The following BTBD9 variants were observed in gnomAD, a reference collection of about 807,000 sequenced individuals.
BTBD9 encodes the protein BTB/POZ domain-containing protein 9.
In BTBD9, 49 loss-of-function variants were observed where a neutral mutation model predicts 64.3. The observed-to-expected ratio is 0.76, with a 90% confidence interval of 0.61 to 0.97. The LOEUF is 0.97. Among genes scored for constraint, BTBD9 ranks in the 50% least tolerant of loss-of-function variants. BTBD9 has a pLI of 0.00. For synonymous variants in BTBD9, 260 were observed against 274.7 expected, an observed-to-expected ratio of 0.95 and a Z score of 0.53; for missense variants, 598 against 762.1, an observed-to-expected ratio of 0.78 and a Z score of 2.53.
chr6:38,537,926 C>T lies in BTBD9; in HGVS notation c.1154+39674G>A, dbSNP rs1774093465. Among the ~76,000 whole-genome samples, 5 of 152,290 alleles carry T rather than the reference C, an allele frequency of 3.3e-5. No individual in the cohort carries two copies. In the South Asian group the frequency reaches 1.0e-3, roughly 32 times the overall value. On this transcript the variant is annotated intron_variant, in intron 6 of 10. Transcript: ENST00000481247. ...AGTCCACCAAAGGAACCATGTAAAT[C>T]ACCCCTGAAGGATGGCAGAGCCCCC... is the stretch of plus-strand genomic sequence containing the variant.
intron 6 of BTBD9, among the ~76,000 whole-genome samples, chr6:38,453,397 A>G (rs975211719): frequency 3.9e-5 from 6 of 152,196 alleles, no homozygotes; most frequent in African/African-American, 1.4e-4. Flanking sequence ...AATTCAAATG[A>G]AACTCCGTTC....
intron 8 of BTBD9, among the ~76,000 whole-genome samples, chr6:38,263,650 A>G (rs1764867436): frequency 1.3e-5 from 2 of 152,226 alleles, no homozygotes; most frequent in African/African-American, 4.8e-5. Context: ...ATACAGAAGC[A>G]AAGAAAGATA....
At chr6:38,261,365 T>G (rs1243436707) in intron 8 of BTBD9, among the ~76,000 whole-genome samples, 1 of 152,182 alleles carries the variant, frequency 6.6e-6, no homozygotes, top group African/African-American at 2.4e-5. Context: ...GCTGTATACT[T>G]CTATTCCCCC....
intron 7 of BTBD9, among the ~76,000 whole-genome samples, chr6:38,299,879 A>G (rs1286751127): frequency 6.6e-6 from 1 of 152,126 alleles, no homozygotes; most frequent in African/African-American, 2.4e-5. Context: ...CCATTTGTCA[A>G]TTTTGGCTTT....
chr6:38,512,220 G>A (rs537546387), intron 6 of BTBD9, among the ~76,000 whole-genome samples: 3 of 152,026 alleles, frequency 2.0e-5, no homozygotes, highest in East Asian at 3.9e-4. Context: ...TGATCTGCCC[G>A]CCTCGGCCTC....
chr6:38,220,537 A>C (rs911532347), intron 9 of BTBD9, among the ~76,000 whole-genome samples: 17 of 152,252 alleles, frequency 1.1e-4, no homozygotes, highest in Non-Finnish European at 1.0e-4. Context: ...AAAGTTTTAC[A>C]ATGTATGATT....
intron 6 of BTBD9, among the ~76,000 whole-genome samples, chr6:38,548,914 AATC>A (rs1774676097): frequency 6.6e-6 from 1 of 152,214 alleles, no homozygotes; most frequent in African/African-American, 2.4e-5. Context: ...ACCAGGAAAA[AATC>A]AATAACTGCA....
chr6:38,237,982 A>C (rs1445951341), intron 9 of BTBD9, among the ~76,000 whole-genome samples: 1 of 152,218 alleles, frequency 6.6e-6, no homozygotes, highest in Non-Finnish European at 1.5e-5. Flanking sequence ...TATTTAAAAA[A>C]AATAGAAAAA....
intron 6 of BTBD9, among the ~76,000 whole-genome samples, chr6:38,381,439 T>C (rs1035074776): frequency 1.3e-5 from 2 of 152,176 alleles, no homozygotes; most frequent in Non-Finnish European, 2.9e-5. Context: ...ATGCAGCTAA[T>C]ATAGTTTCAA....
chr6:38,469,698 G>A (rs1163351890), intron 6 of BTBD9, among the ~76,000 whole-genome samples: 3 of 152,124 alleles, frequency 2.0e-5, no homozygotes, highest in Non-Finnish European at 2.9e-5. Context: ...TTAGAGGACC[G>A]TTACACAGAT....
chr6:38,407,664 T>C (rs1767228881), intron 6 of BTBD9, among the ~76,000 whole-genome samples: 1 of 152,226 alleles, frequency 6.6e-6, no homozygotes, highest in Admixed American at 6.5e-5. Context: ...TGGGGAAATA[T>C]GCAGGACAAA....
intron 4 of BTBD9, among the ~76,000 whole-genome samples, chr6:38,581,996 A>C (rs1048357734): frequency 6.6e-6 from 1 of 152,254 alleles, no homozygotes; most frequent in Non-Finnish European, 1.5e-5. Context: ...TGAATACGGG[A>C]AAGTCTGGGC....
At chr6:38,577,530 G>C in intron 6 of BTBD9, 70 bp downstream of exon 6, 4 of 1,461,892 alleles carry the variant, frequency 2.7e-6, no homozygotes, top group Non-Finnish European at 3.7e-6. Flanking sequence ...GAAAAATGCA[G>C]TTCTGCTTCT....
chr6:38,557,174 C>T (rs1457476677), intron 6 of BTBD9, among the ~76,000 whole-genome samples: 2 of 151,604 alleles, frequency 1.3e-5, no homozygotes, highest in South Asian at 2.1e-4. Flanking sequence ...GGCAAAACCC[C>T]GTCTCTACTA....
intron 1 of BTBD9, among the ~76,000 whole-genome samples, chr6:38,637,108 T>C (rs1245770671): frequency 6.6e-6 from 1 of 152,202 alleles, no homozygotes; most frequent in Non-Finnish European, 1.5e-5. Context: ...ACATGTTCCC[T>C]ATCAGTTTTT....
intron 7 of BTBD9, among the ~76,000 whole-genome samples, chr6:38,337,994 A>C (rs12660215): frequency 0.19 from 28,460 of 152,134 alleles, 2,839 homozygotes; most frequent in African/African-American, 0.24. Flanking sequence ...TTCTGTTCAG[A>C]TAGCACAGTT....
In BTBD9 at chr6:38,207,089, C is replaced by T. The variant is rs77960115; in HGVS notation, c.1563-14492G>A. ...ATAGGGAAGAAGAATAGGGATTGCA[C>T]TGCAGCATCATTTGAACAGCAAGAG... On this transcript the variant is annotated intron_variant, in intron 9 of 10. Transcript: ENST00000481247. Among the ~76,000 whole-genome samples the T allele has an allele frequency of 7.2e-3, 1,092 of 152,320 alleles. 8 individuals carry two copies. The highest frequency in any genetic ancestry group is 0.012 in the Admixed American group (182 of 15,296).
intron 6 of BTBD9, among the ~76,000 whole-genome samples, chr6:38,521,095 T>C (rs1396876774): frequency 6.6e-6 from 1 of 151,550 alleles, no homozygotes; most frequent in Non-Finnish European, 1.5e-5. Flanking sequence ...GATCGTGACC[T>C]TACACACACT....
chr6:38,530,434 AT>A (rs1773740474), intron 6 of BTBD9, among the ~76,000 whole-genome samples: 2 of 152,066 alleles, frequency 1.3e-5, no homozygotes, highest in Non-Finnish European at 2.9e-5. Flanking sequence ...GAAACCCTTA[AT>A]AAAAACTTGC....
Sources: gnomAD v4.1 joint callset for allele counts (sites outside exome capture counted in the v4.1 genomes callset) on GRCh38, gnomAD v4.1.1 for gene constraint, MANE v1.5 for transcripts, NCBI Gene and HGNC (gene_info 2026-07-23, HGNC 2026-07-21) for gene names.